MACF1: variants seen among roughly 807,000 people sequenced by gnomAD.
The protein encoded by MACF1 is microtubule actin crosslinking factor 1.
MACF1 carries 193 observed loss-of-function variants against 854.8 expected under a neutral mutation model. That is an observed-to-expected ratio of 0.23 (90% CI 0.20 to 0.25). The LOEUF (loss-of-function observed/expected upper bound fraction) is 0.25. Among genes scored for constraint, MACF1 ranks in the 10% least tolerant of loss-of-function variants. MACF1 has a pLI of 1.00. For synonymous variants in MACF1, 3,185 were observed against 3,226.7 expected (o/e 0.99, Z 0.44); for missense variants, 7,722 against 8,929.1 (o/e 0.86, Z 5.45).
intron 2 of MACF1, among the ~76,000 whole-genome samples, chr1:39,106,392 T>A (rs1458916955): frequency 6.6e-6 from 1 of 152,322 alleles, no homozygotes; most frequent in Admixed American, 6.5e-5. Context: ...GAGACACTTC[T>A]GCAAGTTAAT....
intron 2 of MACF1, among the ~76,000 whole-genome samples, chr1:39,095,494 A>T (rs1641913776): frequency 7.4e-6 from 1 of 135,432 alleles, no homozygotes; most frequent in Non-Finnish European, 1.5e-5. Flanking sequence ...ACCCAGGAGG[A>T]GGAGGTTGCA....
chr1:39,194,153 C>T (rs1022011486), intron 2 of MACF1, among the ~76,000 whole-genome samples: 2 of 152,088 alleles, frequency 1.3e-5, no homozygotes, highest in Middle Eastern at 3.4e-3. Context: ...TTTCTAAGTG[C>T]TGTACCAGAG....
chr1:39,320,177 C>A (rs1646487831), intron 31 of MACF1, among the ~76,000 whole-genome samples: 1 of 152,152 alleles, frequency 6.6e-6, no homozygotes, highest in Non-Finnish European at 1.5e-5. Context: ...TCAAACATGT[C>A]CCACATCTGA....
chr1:39,270,957 C>T (rs1223402989), intron 6 of MACF1, among the ~76,000 whole-genome samples: 2 of 152,104 alleles, frequency 1.3e-5, no homozygotes, highest in Non-Finnish European at 2.9e-5. Flanking sequence ...AGACTCCCAA[C>T]AGGTTGAAGA....
intron 36 of MACF1, 96 bp downstream of exon 36, chr1:39,327,449 A>G: frequency 7.6e-7 from 1 of 1,310,672 alleles, no homozygotes; most frequent in Non-Finnish European, 1.0e-6. Context: ...CTAGCTTTCC[A>G]TGACCAATGT....
rs1404113971 is a variant in MACF1 at position 39,465,086 on chromosome 1, T to C, written c.21754-9T>C. ...CTTTCCTCCATCCTTTACTCTTTAC[T>C]GTCTATAGTTCTTCCTCGGCAATCA... On this transcript the variant is annotated splice_polypyrimidine_tract_variant and intron_variant, in intron 94 of 100. Transcript: ENST00000564288. 6 of 1,612,228 alleles carry C rather than the reference T, an allele frequency of 3.7e-6. No individual in the cohort carries two copies. The African/African-American group carries it at 5.3e-5, about 14-fold the overall frequency.
chr1:39,174,399 A>G (rs1300228976), intron 2 of MACF1, among the ~76,000 whole-genome samples: 1 of 152,186 alleles, frequency 6.6e-6, no homozygotes, highest in African/African-American at 2.4e-5. Flanking sequence ...TATTACTGCT[A>G]CTGTGTATGG....
intron 2 of MACF1, among the ~76,000 whole-genome samples, chr1:39,159,263 T>C (rs934009351): frequency 1.3e-5 from 2 of 152,244 alleles, no homozygotes; most frequent in Non-Finnish European, 2.9e-5. Context: ...AAGTAAGAAA[T>C]GTCCCCTGTA....
At chr1:39,290,048 GT>G (rs1421019070) in intron 15 of MACF1, among the ~76,000 whole-genome samples, 2 of 152,102 alleles carry the variant, frequency 1.3e-5, no homozygotes, top group African/African-American at 4.8e-5. Context: ...TTAACTTGAT[GT>G]AATCCCATTT....
rs1388934675 is a variant in MACF1 at position 39,304,033 on chromosome 1, ATTATAC to A, written c.2789+958_2789+963del. Among the ~76,000 whole-genome samples, 4 of 148,142 alleles carry A rather than the reference ATTATAC, an allele frequency of 2.7e-5. No individual in the cohort carries two copies. The East Asian group carries it at 5.9e-4, about 22-fold the overall frequency. On this transcript the variant is annotated intron_variant, in intron 23 of 100. Transcript: ENST00000564288. ...CATTTCTTTCTTTTTTTTTTTTTTA[ATTATAC>A]TTTAAGTTCTAGGGCACATGTGCAC...
chr1:39,087,245 C>T (rs530989611), intron 2 of MACF1, among the ~76,000 whole-genome samples: 1 of 152,206 alleles, frequency 6.6e-6, no homozygotes, highest in African/African-American at 2.4e-5. Flanking sequence ...TTTTCTCCTC[C>T]CCCTGGATCT....
intron 58 of MACF1, among the ~76,000 whole-genome samples, chr1:39,418,918 A>G (rs1484620965): frequency 2.0e-5 from 3 of 152,168 alleles, no homozygotes; most frequent in East Asian, 3.8e-4. Flanking sequence ...TTCTTTGGGA[A>G]ATTTTCTATT....
chr1:39,226,110 T>C (rs1644712983), intron 1 of MACF1, among the ~76,000 whole-genome samples: 1 of 152,212 alleles, frequency 6.6e-6, no homozygotes. Context: ...AAAACCCTTT[T>C]CTGAGGAGCT....
At chr1:39,264,939 G>A (rs1302292307) in intron 6 of MACF1, among the ~76,000 whole-genome samples, 2 of 152,096 alleles carry the variant, frequency 1.3e-5, no homozygotes, top group East Asian at 3.8e-4. Context: ...CTCCCAAAGT[G>A]CTGGGATTAC....
chr1:39,165,989 A>T (rs966237099), intron 2 of MACF1, among the ~76,000 whole-genome samples: 2 of 151,990 alleles, frequency 1.3e-5, no homozygotes, highest in Non-Finnish European at 2.9e-5. Context: ...TTCTGACAGG[A>T]TACAAAGATT....
intron 1 of MACF1, among the ~76,000 whole-genome samples, chr1:39,222,523 G>A (rs1316683492): frequency 6.6e-6 from 1 of 152,122 alleles, no homozygotes; most frequent in African/African-American, 2.4e-5. Context: ...CGTTCACTTC[G>A]TAGCCTTTTG....
rs190017113 is a variant in MACF1, at chr1:39,148,897, G to A, written c.220+64459G>A. On this transcript the variant is annotated intron_variant, in intron 2 of 93. Coordinates refer to the MACF1 transcript ENST00000361689. The stretch of plus-strand genomic sequence containing the variant: ...CATAAAAGTTTTACCATGTGGTTGG[G>A]TTTTACATTTCATTGAGATTTTTTT... Among the ~76,000 whole-genome samples, 4 of 152,266 alleles carry A rather than the reference G, an allele frequency of 2.6e-5. No individual in the cohort carries two copies. The East Asian group carries it at 7.7e-4, about 29-fold the overall frequency.
intron 31 of MACF1, among the ~76,000 whole-genome samples, chr1:39,319,969 G>A (rs3116389): frequency 0.84 from 128,315 of 152,178 alleles, 56,241 homozygotes; most frequent in Non-Finnish European, 0.96. Context: ...CTCCATTTGC[G>A]TGACCGTAGG....
At chr1:39,092,085 T>C (rs1641822160) in intron 2 of MACF1, among the ~76,000 whole-genome samples, 2 of 152,270 alleles carry the variant, frequency 1.3e-5, no homozygotes, top group Admixed American at 1.3e-4. Flanking sequence ...CCTCCCTGGC[T>C]TAGAGCAATG....
Sources: gnomAD v4.1 joint callset for allele counts (sites outside exome capture counted in the v4.1 genomes callset) on GRCh38, gnomAD v4.1.1 for gene constraint, MANE v1.5 for transcripts, NCBI Gene and HGNC (gene_info 2026-07-23, HGNC 2026-07-21) for gene names.